CSMD1: variants seen among roughly 807,000 people sequenced by gnomAD.
CSMD1 encodes CUB and sushi domain-containing protein 1.
Under a neutral mutation model 417.5 loss-of-function variants are expected in CSMD1, and 213 were observed. The observed-to-expected ratio is 0.51, with a 90% confidence interval of 0.46 to 0.57. CSMD1 has a LOEUF of 0.57. Among genes scored for constraint, CSMD1 ranks in the 20% least tolerant of loss-of-function variants. The pLI, the probability that CSMD1 is intolerant of heterozygous loss-of-function variation, is 0.00. For missense variants in CSMD1, 6,923 were observed against 4,529.7 expected (o/e 1.53, Z -15.17); for synonymous variants, 2,862 against 1,736.8 (o/e 1.65, Z -16.11).
chr8:3,777,437 G>C (rs1166536077), intron 5 of CSMD1, among the ~76,000 whole-genome samples: 1 of 152,150 alleles, frequency 6.6e-6, no homozygotes, highest in Non-Finnish European at 1.5e-5. Context: ...CAGGCCTCAG[G>C]CAGGCTTCAA....
intron 1 of CSMD1, among the ~76,000 whole-genome samples, chr8:4,962,630 C>G (rs1809583648): frequency 6.6e-6 from 1 of 152,162 alleles, no homozygotes; most frequent in African/African-American, 2.4e-5. Context: ...TTTCTAATTT[C>G]TCTGCCATCA....
chr8:3,409,308 C>T (rs772224460), intron 13 of CSMD1, 115 bp downstream of exon 13: 14 of 942,502 alleles, frequency 1.5e-5, no homozygotes, highest in African/African-American at 5.0e-5. Flanking sequence ...TGTGGCACCC[C>T]GAGCCATTCT....
At chr8:4,343,008 A>C (rs1003682589) in intron 3 of CSMD1, among the ~76,000 whole-genome samples, 3 of 152,100 alleles carry the variant, frequency 2.0e-5, no homozygotes, top group African/African-American at 4.8e-5. Flanking sequence ...ATTGCAGTGC[A>C]CCTGACTTGT....
intron 2 of CSMD1, among the ~76,000 whole-genome samples, chr8:4,445,641 G>C (rs1448705884): frequency 6.6e-6 from 1 of 152,152 alleles, no homozygotes; most frequent in Admixed American, 6.5e-5. Flanking sequence ...GTGTTCCTAG[G>C]AAAGTAAGGT....
intron 1 of CSMD1, among the ~76,000 whole-genome samples, chr8:4,852,359 G>T (rs1223692652): frequency 2.0e-5 from 3 of 152,066 alleles, no homozygotes; most frequent in African/African-American, 7.2e-5. Context: ...GCAACATCTG[G>T]TTGTTTAAAA....
At chr8:3,582,098 C>A (rs1478228766) in intron 9 of CSMD1, among the ~76,000 whole-genome samples, 1 of 152,114 alleles carries the variant, frequency 6.6e-6, no homozygotes, top group Non-Finnish European at 1.5e-5. Flanking sequence ...CTGGCCAATG[C>A]TGTCTTTTCT....
intron 26 of CSMD1, among the ~76,000 whole-genome samples, chr8:3,279,898 C>A (rs533797798): frequency 3.3e-5 from 5 of 152,200 alleles, no homozygotes; most frequent in Admixed American, 1.3e-4. Context: ...TGGTCCCACC[C>A]TTGACACATA....
chr8:4,105,703 G>T (rs11987667), intron 3 of CSMD1, among the ~76,000 whole-genome samples: 2 of 151,980 alleles, frequency 1.3e-5, no homozygotes, highest in East Asian at 3.9e-4. Flanking sequence ...CTAGGCTGGG[G>T]TACCCCATGG....
chr8:3,234,046 C>A (rs567585967), intron 26 of CSMD1, among the ~76,000 whole-genome samples: 9 of 152,266 alleles, frequency 5.9e-5, no homozygotes, highest in African/African-American at 2.2e-4. Context: ...TCCAGCTATA[C>A]ATGAGGGTCT....
chr8:3,362,377 T>C (rs747927261), intron 20 of CSMD1, among the ~76,000 whole-genome samples: 9 of 152,182 alleles, frequency 5.9e-5, no homozygotes, highest in Non-Finnish European at 1.0e-4. Context: ...GACCTCCGGA[T>C]GCAAAAACCA....
chr8:4,376,326 G>A (rs532512085), intron 3 of CSMD1, among the ~76,000 whole-genome samples: 94 of 152,282 alleles, frequency 6.2e-4, no homozygotes, highest in African/African-American at 2.2e-3. Context: ...TTTTCAAGAA[G>A]AGAATAAAAG....
intron 10 of CSMD1, among the ~76,000 whole-genome samples, chr8:3,511,002 C>T (rs7009974): frequency 0.42 from 63,304 of 151,354 alleles, 13,744 homozygotes; most frequent in African/African-American, 0.48. Flanking sequence ...AATGATAGAC[C>T]AAACAAAGAA....
At chr8:3,649,330 T>C (rs1489447397) in intron 7 of CSMD1, among the ~76,000 whole-genome samples, 5 of 152,236 alleles carry the variant, frequency 3.3e-5, no homozygotes, top group African/African-American at 7.2e-5. Flanking sequence ...CTGCATTAAA[T>C]TGACTGTTAG....
chr8:3,461,785 G>A (rs998240065), intron 12 of CSMD1, among the ~76,000 whole-genome samples: 2 of 152,198 alleles, frequency 1.3e-5, no homozygotes, highest in Non-Finnish European at 2.9e-5. Context: ...TATCCATGGG[G>A]ACTCTCTTAC....
chr8:3,402,029 C>A (rs1013356219), intron 15 of CSMD1, among the ~76,000 whole-genome samples: 1 of 151,934 alleles, frequency 6.6e-6, no homozygotes, highest in African/African-American at 2.4e-5. Context: ...CACACACACA[C>A]ATACACCCCT....
chr8:2,948,986 A>G (rs1011632136), intron 68 of CSMD1, among the ~76,000 whole-genome samples: 1 of 151,008 alleles, frequency 6.6e-6, no homozygotes, highest in African/African-American at 2.4e-5. Flanking sequence ...TTTACTTTTA[A>G]GAACTCTTAG....
chr8:2,983,541 C>A (rs879817417), intron 54 of CSMD1, among the ~76,000 whole-genome samples: 1 of 151,998 alleles, frequency 6.6e-6, no homozygotes, highest in Admixed American at 6.6e-5. Context: ...TATTACTTAA[C>A]GATAATTATA....
chr8:3,538,627 A>G (rs1175763303), intron 10 of CSMD1, among the ~76,000 whole-genome samples: 1 of 152,222 alleles, frequency 6.6e-6, no homozygotes, highest in Non-Finnish European at 1.5e-5. Context: ...CCACTCAACA[A>G]AGGTATAGAG....
chr8:3,984,404 G>T (rs1472780728), intron 5 of CSMD1, among the ~76,000 whole-genome samples: 1 of 152,074 alleles, frequency 6.6e-6, no homozygotes, highest in Non-Finnish European at 1.5e-5. Flanking sequence ...CTAAACTGGT[G>T]AGTACTTTTG....
Sources: allele counts gnomAD v4.1 joint callset (sites outside exome capture counted in the v4.1 genomes callset), GRCh38; gene constraint gnomAD v4.1.1; transcripts MANE v1.5; gene names NCBI Gene and HGNC (gene_info 2026-07-23, HGNC 2026-07-21).